Variants in PARPBP observed in about 807,000 individuals in gnomAD.
The protein encoded by PARPBP is PARP1 binding protein.
A neutral mutation model predicts 50.0 loss-of-function variants in PARPBP; 52 were observed. The ratio of observed to expected loss-of-function variants is 1.04; its 90% CI spans 0.83 to 1.31. The LOEUF is 1.31. PARPBP is among the 50% of genes most tolerant of loss of function. The pLI, the probability that PARPBP is intolerant of heterozygous loss-of-function variation, is 0.00. For synonymous variants in PARPBP, 244 were observed against 232.1 expected, an observed-to-expected ratio of 1.05 and a Z score of -0.47; for missense variants, 697 against 672.0, an observed-to-expected ratio of 1.04 and a Z score of -0.41.
At chr12:102,153,445 A>G (rs1886478572) in intron 3 of PARPBP, among the ~76,000 whole-genome samples, 1 of 152,130 alleles carries the variant, frequency 6.6e-6, no homozygotes, top group Non-Finnish European at 1.5e-5. Flanking sequence ...GGCTCAAGTG[A>G]TCATCCCACC....
rs890678375 is a variant in PARPBP, at chr12:102,195,856, T to G, written c.1400-95T>G. ...TTATTTTACTTTAAAAATTTGAATA[T>G]TCGTTAGCCATTTTTAAAGTTTATT... On this transcript the variant is annotated intron_variant, in intron 10 of 10. Coordinates refer to ENST00000327680, the MANE Select transcript of PARPBP (RefSeq NM_017915.5). The G allele has an allele frequency of 3.4e-5, 25 of 739,936 alleles. No homozygotes were observed. The African/African-American group carries it at 3.8e-4, about 11-fold the overall frequency. 45.8% of individuals were successfully genotyped at this position (739,936 alleles called of 1,614,324 possible).
chr12:102,142,939 A>G (rs1382814080), intron 2 of PARPBP, among the ~76,000 whole-genome samples: 1 of 152,226 alleles, frequency 6.6e-6, no homozygotes, highest in African/African-American at 2.4e-5. Flanking sequence ...CTTGGTGTTC[A>G]GGGACCTACT....
chr12:102,157,595 C>G (rs1887098911), intron 4 of PARPBP, among the ~76,000 whole-genome samples: 1 of 152,048 alleles, frequency 6.6e-6, no homozygotes, highest in Admixed American at 6.6e-5. Context: ...TACTTCTTAA[C>G]TGATGCAGAG....
At chr12:102,155,599 G>GA (rs200830528) in intron 4 of PARPBP, among the ~76,000 whole-genome samples, 2 of 127,046 alleles carry the variant, frequency 1.6e-5, no homozygotes, top group Non-Finnish European at 3.3e-5. Context: ...CATGGTGGGG[G>GA]GGGGGGGCGG....
intron 1 of PARPBP, among the ~76,000 whole-genome samples, chr12:102,121,670 C>T (rs943712313): frequency 2.0e-5 from 3 of 150,170 alleles, no homozygotes; most frequent in Admixed American, 1.3e-4. Context: ...TCTCCTGTCT[C>T]AGCCTCCCAA....
intron 6 of PARPBP, among the ~76,000 whole-genome samples, chr12:102,166,862 A>G (rs1888191670): frequency 6.6e-6 from 1 of 152,190 alleles, no homozygotes. Context: ...AATTTGGAAG[A>G]GGGTTTTGAA....
intron 2 of PARPBP, among the ~76,000 whole-genome samples, chr12:102,146,163 G>T (rs1407737726): frequency 6.6e-6 from 1 of 152,156 alleles, no homozygotes; most frequent in Admixed American, 6.5e-5. Context: ...TAGATTCAAT[G>T]CCATCCCCAT....
chr12:102,196,788 A>G lies in PARPBP; in HGVS notation c.*497A>G. The G allele has an allele frequency of 4.3e-6, 5 of 1,176,462 alleles. No homozygotes were observed. Among genetic ancestry groups the G allele is most frequent in the Admixed American group, 3.7e-5 (2 of 54,264 alleles). 72.9% of individuals were successfully genotyped at this position (1,176,462 alleles called of 1,614,324 possible). A position where few individuals can be genotyped will look rare whatever the true frequency, so the allele number is the denominator to read the frequency against. ...AGAAAAAAAGAATGGATCTAGTATAACTAATTCTGAGTAAACCAAAATGAT... is the reference window on the plus strand; with the variant it reads ...AGAAAAAAAGAATGGATCTAGTATAGCTAATTCTGAGTAAACCAAAATGAT... On this transcript the variant is annotated 3_prime_UTR_variant, in exon 11 of 11. Transcript: ENST00000327680.
intron 6 of PARPBP, among the ~76,000 whole-genome samples, chr12:102,173,050 C>T (rs926299013): frequency 6.6e-6 from 1 of 152,072 alleles, no homozygotes; most frequent in Non-Finnish European, 1.5e-5. Context: ...TAGCATATTT[C>T]AAAAATTCTT....
At chr12:102,188,028 T>A (rs1427799706) in intron 9 of PARPBP, among the ~76,000 whole-genome samples, 2 of 152,142 alleles carry the variant, frequency 1.3e-5, no homozygotes, top group Non-Finnish European at 2.9e-5. Flanking sequence ...AGGATTGGTG[T>A]TAGCCCATGT....
At chr12:102,157,071 C>T (rs1439571738) in intron 4 of PARPBP, among the ~76,000 whole-genome samples, 4 of 152,146 alleles carry the variant, frequency 2.6e-5, no homozygotes, top group Non-Finnish European at 5.9e-5. Context: ...GTAGATTCTT[C>T]TATATGTCCC....
intron 2 of PARPBP, among the ~76,000 whole-genome samples, chr12:102,142,490 A>G (rs1464777223): frequency 1.3e-5 from 2 of 152,056 alleles, no homozygotes; most frequent in African/African-American, 2.4e-5. Flanking sequence ...TCTTCTCTCA[A>G]CTCGTCAAAG....
At chr12:102,147,239 T>A (rs890500064) in intron 2 of PARPBP, among the ~76,000 whole-genome samples, 1 of 152,184 alleles carries the variant, frequency 6.6e-6, no homozygotes, top group African/African-American at 2.4e-5. Context: ...GGACTATAAA[T>A]CATGCTGCTG....
intron 9 of PARPBP, among the ~76,000 whole-genome samples, chr12:102,185,344 A>G (rs1001579823): frequency 1.3e-5 from 2 of 152,190 alleles, no homozygotes; most frequent in Non-Finnish European, 2.9e-5. Flanking sequence ...ATTGATTTGC[A>G]TATGTCGAAC....
intron 2 of PARPBP, among the ~76,000 whole-genome samples, chr12:102,146,213 T>C (rs1027219884): frequency 1.3e-5 from 2 of 151,886 alleles, no homozygotes; most frequent in East Asian, 3.9e-4. Flanking sequence ...TGGAAAAAAA[T>C]TACTTTAAAG....
chr12:102,176,833 G>A (rs1289481789), intron 7 of PARPBP, among the ~76,000 whole-genome samples: 3 of 152,182 alleles, frequency 2.0e-5, no homozygotes, highest in Non-Finnish European at 4.4e-5. Flanking sequence ...TTGAAGGTGG[G>A]GAAGATTCAG....
chr12:102,166,549 T>A (rs1384367166), intron 6 of PARPBP, among the ~76,000 whole-genome samples: 2 of 152,174 alleles, frequency 1.3e-5, no homozygotes, highest in Admixed American at 6.5e-5. Context: ...GACATTGTGC[T>A]AAGTTCTTTA....
At chr12:102,173,385 A>T (rs1002814197) in intron 6 of PARPBP, among the ~76,000 whole-genome samples, 1 of 152,190 alleles carries the variant, frequency 6.6e-6, no homozygotes, top group Non-Finnish European at 1.5e-5. Flanking sequence ...GAGATGTCCA[A>T]TTCAGTGTAG....
In PARPBP at chr12:102,123,988, G is replaced by A. The variant is rs1881560465; in HGVS notation, c.100G>A (p.Ala34Thr). The change falls in exon 2 of 11, where the codon GCA becomes ACA. Residue 34 changes from alanine (A) to threonine (T), a missense_variant. Physicochemically the swap from Ala to Thr is moderately conservative, Grantham distance 58 (BLOSUM62 0). Coordinates refer to ENST00000327680, the MANE Select transcript of PARPBP (RefSeq NM_017915.5). ...CTCTGAGAGAACTACTCTATGTGGT[G>A]CAGACTCCATGCTCTTGGCATTGCA... is the stretch of plus-strand genomic sequence containing the variant. ...CNSERTTLCG[A>T]DSMLLALQLS... 6.5e-7 allele frequency: 1 copy of A among 1,534,572 alleles called. No homozygotes were observed. The highest frequency in any genetic ancestry group is 8.7e-7 in the Non-Finnish European group (1 of 1,145,520).
Sources: allele counts gnomAD v4.1 joint callset (sites outside exome capture counted in the v4.1 genomes callset), GRCh38; gene constraint gnomAD v4.1.1; transcripts MANE v1.5; gene names NCBI Gene and HGNC (gene_info 2026-07-23, HGNC 2026-07-21).